ZNF385D: variants seen among roughly 807,000 people sequenced by gnomAD.
ZNF385D encodes the protein zinc finger protein 659.
In ZNF385D, 15 loss-of-function variants were observed where a neutral mutation model predicts 35.8. That is an observed-to-expected ratio of 0.42 (90% CI 0.28 to 0.64). The LOEUF (loss-of-function observed/expected upper bound fraction) is 0.64. Among genes scored for constraint, ZNF385D ranks in the 30% least tolerant of loss-of-function variants. ZNF385D has a pLI of 0.23. For missense variants in ZNF385D, 474 were observed against 494.6 expected (o/e 0.96, Z 0.39); for synonymous variants, 212 against 186.8 (o/e 1.13, Z -1.10).
intron 3 of ZNF385D, among the ~76,000 whole-genome samples, chr3:22,096,339 TAAATA>T (rs1395835527): frequency 4.2e-5 from 6 of 144,484 alleles, no homozygotes; most frequent in African/African-American, 1.5e-4. Context: ...TTTTTTTAAA[TAAATA>T]AATACAAATT....
intron 4 of ZNF385D, among the ~76,000 whole-genome samples, chr3:21,500,806 T>C (rs2125438134): frequency 6.6e-6 from 1 of 152,240 alleles, no homozygotes; most frequent in South Asian, 2.1e-4. Context: ...GGAAAATGGG[T>C]CCTTGGGAAG....
intron 2 of ZNF385D, among the ~76,000 whole-genome samples, chr3:22,225,531 A>C (rs1698503845): frequency 6.6e-6 from 1 of 152,140 alleles, no homozygotes; most frequent in Admixed American, 6.6e-5. Context: ...GGGGTTAGGT[A>C]TGTGGGGAGG....
At chr3:22,100,069 A>C (rs543145887) in intron 3 of ZNF385D, among the ~76,000 whole-genome samples, 1 of 151,252 alleles carries the variant, frequency 6.6e-6, no homozygotes, top group Admixed American at 6.6e-5. Context: ...GCAGCCAAAA[A>C]ACACATGAAA....
intron 1 of ZNF385D, among the ~76,000 whole-genome samples, chr3:21,680,979 G>A (rs2066881325): frequency 6.6e-6 from 1 of 152,052 alleles, no homozygotes; most frequent in African/African-American, 2.4e-5. Context: ...CACAAGGCAG[G>A]GAGATGCTTT....
chr3:21,769,173 C>A (rs2125606228), intron 3 of ZNF385D, among the ~76,000 whole-genome samples: 1 of 152,116 alleles, frequency 6.6e-6, no homozygotes, highest in African/African-American at 2.4e-5. Flanking sequence ...AAAACTGGCA[C>A]AAGACAGGGA....
Position 21,415,395 on chromosome 3 carries a change from C to T in ZNF385D, c.*5819G>A, listed in dbSNP as rs962537640. On this transcript the variant is annotated 3_prime_UTR_variant, in exon 8 of 8. Coordinates refer to ENST00000281523, the MANE Select transcript of ZNF385D (RefSeq NM_024697.3). ...ATAATAGTCTTGCTAGAGTGCATAA[C>T]ATCTTAACATTATATCTACTTCCCA... 6.6e-6 allele frequency: 1 copy of T among 152,084 alleles called. No homozygotes were observed. Among genetic ancestry groups the T allele is most frequent in the African/African-American group, 2.4e-5 (1 of 41,412 alleles). 9.4% of individuals were successfully genotyped at this position (152,084 alleles called of 1,614,324 possible).
chr3:22,086,514 G>A (rs528622548), intron 3 of ZNF385D, among the ~76,000 whole-genome samples: 1 of 152,226 alleles, frequency 6.6e-6, no homozygotes, highest in African/African-American at 2.4e-5. Context: ...ACCTCTTCAA[G>A]GAGAACTACA....
intron 1 of ZNF385D, among the ~76,000 whole-genome samples, chr3:21,718,395 C>T (rs567037945): frequency 1.3e-5 from 2 of 152,200 alleles, no homozygotes; most frequent in Non-Finnish European, 2.9e-5. Context: ...GTTCTGGGAA[C>T]CACTGGTGTC....
intron 1 of ZNF385D, among the ~76,000 whole-genome samples, chr3:21,681,747 A>G (rs571192145): frequency 6.6e-6 from 1 of 152,202 alleles, no homozygotes; most frequent in Non-Finnish European, 1.5e-5. Flanking sequence ...AACCAAAAAA[A>G]TCATGTGTAT....
At chr3:21,442,920 G>C (rs1191513867) in intron 4 of ZNF385D, among the ~76,000 whole-genome samples, 4 of 85,182 alleles carry the variant, frequency 4.7e-5, no homozygotes, top group African/African-American at 8.6e-5. Context: ...TGTGTGTTGA[G>C]AGGTTGGAAG....
chr3:21,529,533 A>G (rs189608006), intron 3 of ZNF385D, among the ~76,000 whole-genome samples: 1 of 152,274 alleles, frequency 6.6e-6, no homozygotes, highest in South Asian at 2.1e-4. Flanking sequence ...AGGAGACCCA[A>G]AGATGATCTT....
intron 5 of ZNF385D, among the ~76,000 whole-genome samples, chr3:21,436,185 G>GTA (rs374429897): frequency 7.2e-5 from 11 of 151,742 alleles, no homozygotes; most frequent in South Asian, 2.1e-4. Flanking sequence ...AGATGAGGGG[G>GTA]TATATATATA....
At chr3:22,096,809 G>A (rs867693127) in intron 3 of ZNF385D, among the ~76,000 whole-genome samples, 1 of 151,972 alleles carries the variant, frequency 6.6e-6, no homozygotes, top group Non-Finnish European at 1.5e-5. Flanking sequence ...TAAAAATATG[G>A]CCTCACAATT....
At chr3:21,640,697 G>A (rs2065578884) in intron 2 of ZNF385D, among the ~76,000 whole-genome samples, 1 of 152,088 alleles carries the variant, frequency 6.6e-6, no homozygotes, top group South Asian at 2.1e-4. Flanking sequence ...CCAGAACTGT[G>A]ATAAATGTCT....
intron 3 of ZNF385D, among the ~76,000 whole-genome samples, chr3:21,554,504 G>T (rs997954609): frequency 3.9e-5 from 6 of 152,174 alleles, no homozygotes; most frequent in African/African-American, 1.4e-4. Context: ...TTTTGGAATA[G>T]TCAGTGAGCA....
At chr3:22,247,564 T>C (rs1022173203) in intron 2 of ZNF385D, among the ~76,000 whole-genome samples, 4 of 152,054 alleles carry the variant, frequency 2.6e-5, no homozygotes, top group African/African-American at 7.2e-5. Flanking sequence ...AGTCTTTGAT[T>C]TGTTTTTCAA....
chr3:21,566,125 G>C (rs940449513), intron 2 of ZNF385D, among the ~76,000 whole-genome samples: 1 of 152,168 alleles, frequency 6.6e-6, no homozygotes. Context: ...GTAGCAGTTA[G>C]CATTTATTAT....
chr3:22,132,111 G>C (rs776692656), intron 3 of ZNF385D, among the ~76,000 whole-genome samples: 2 of 152,108 alleles, frequency 1.3e-5, no homozygotes, highest in Non-Finnish European at 2.9e-5. Context: ...TGGTGCTATG[G>C]TCTGAATATT....
chr3:21,577,559 T>C (rs2063529429), intron 2 of ZNF385D, among the ~76,000 whole-genome samples: 1 of 152,170 alleles, frequency 6.6e-6, no homozygotes, highest in Non-Finnish European at 1.5e-5. Context: ...AGTAGTTCTA[T>C]GTTTAGTTTT....
Sources: allele counts gnomAD v4.1 joint callset (sites outside exome capture counted in the v4.1 genomes callset), GRCh38; gene constraint gnomAD v4.1.1; transcripts MANE v1.5; gene names NCBI Gene and HGNC (gene_info 2026-07-23, HGNC 2026-07-21).